EXD1: variants seen among roughly 807,000 people sequenced by gnomAD.
The protein encoded by EXD1 is piRNA biogenesis protein EXD1.
In EXD1, 63 loss-of-function variants were observed where a neutral mutation model predicts 49.1. The ratio of observed to expected loss-of-function variants is 1.28; its 90% CI spans 1.05 to 1.58. The LOEUF (loss-of-function observed/expected upper bound fraction) is 1.58, where lower values mean the gene tolerates loss of function less well. Ranked by LOEUF, EXD1 falls within the 40% of genes most tolerant of loss-of-function variation. EXD1 has a pLI of 0.00. For missense variants in EXD1, 748 were observed against 666.0 expected (o/e 1.12, Z -1.36); for synonymous variants, 234 against 239.2 (o/e 0.98, Z 0.20).
At chr15:41,223,197 C>G (rs1317063907) in intron 2 of EXD1, among the ~76,000 whole-genome samples, 1 of 151,932 alleles carries the variant, frequency 6.6e-6, no homozygotes, top group African/African-American at 2.4e-5. Flanking sequence ...AGTGGGAGAA[C>G]TGCTTGAGCC....
intron 2 of EXD1, among the ~76,000 whole-genome samples, chr15:41,220,249 A>C (rs2047065819): frequency 6.6e-6 from 1 of 152,092 alleles, no homozygotes; most frequent in Non-Finnish European, 1.5e-5. Flanking sequence ...TAACTCCAGA[A>C]AAAAAATTTA....
intron 11 of EXD1, among the ~76,000 whole-genome samples, chr15:41,186,657 T>C (rs541146123): frequency 1.3e-5 from 2 of 152,020 alleles, no homozygotes; most frequent in East Asian, 3.9e-4. Flanking sequence ...GAGGATATGA[T>C]AGTGAAAAAT....
intron 3 of EXD1, 118 bp from the exon 4 acceptor site, chr15:41,217,272 G>T (rs1254446721): frequency 1.2e-6 from 1 of 804,086 alleles, no homozygotes; most frequent in Non-Finnish European, 2.0e-6. Flanking sequence ...GAAATGACAT[G>T]TTAGTCCACG....
intron 7 of EXD1, among the ~76,000 whole-genome samples, chr15:41,208,812 G>A (rs189859304): frequency 3.1e-4 from 47 of 152,034 alleles, no homozygotes; most frequent in African/African-American, 1.1e-3. Context: ...CAGGTCCAGG[G>A]AAACTAAAAT....
chr15:41,218,411 C>T (rs2047034535), intron 3 of EXD1, among the ~76,000 whole-genome samples: 1 of 149,400 alleles, frequency 6.7e-6, no homozygotes, highest in Admixed American at 6.7e-5. Flanking sequence ...TGCTTGAAAC[C>T]CAGAGGCAAA....
chr15:41,201,238 G>A (rs920475838), intron 7 of EXD1, among the ~76,000 whole-genome samples: 1 of 152,016 alleles, frequency 6.6e-6, no homozygotes, highest in African/African-American at 2.4e-5. Flanking sequence ...TTCCCTATAA[G>A]TCTAATACTC....
chr15:41,226,695 TC>T, intron 1 of EXD1, 67 bp from the exon 2 acceptor site: 2 of 1,260,722 alleles, frequency 1.6e-6, no homozygotes, highest in Non-Finnish European at 2.1e-6. Context: ...ATTTTCCCTT[TC>T]CCCATATCTG....
intron 7 of EXD1, among the ~76,000 whole-genome samples, chr15:41,205,267 C>G (rs2046804082): frequency 6.6e-6 from 1 of 152,140 alleles, no homozygotes; most frequent in South Asian, 2.1e-4. Flanking sequence ...TGCATTGGAA[C>G]AGGAGGGTAG....
chr15:41,202,359 T>C (rs2140858372), intron 7 of EXD1, among the ~76,000 whole-genome samples: 1 of 151,864 alleles, frequency 6.6e-6, no homozygotes, highest in East Asian at 1.9e-4. Context: ...GTATTTTTAG[T>C]AGAAACAGGG....
At chr15:41,221,489 G>A (rs2047087842) in intron 2 of EXD1, among the ~76,000 whole-genome samples, 1 of 151,472 alleles carries the variant, frequency 6.6e-6, no homozygotes, top group Non-Finnish European at 1.5e-5. Context: ...GCCCAGGCTG[G>A]TCTCGAACTC....
chr15:41,219,515 G>T, intron 3 of EXD1: 1 of 231,676 alleles, frequency 4.3e-6, no homozygotes, highest in Non-Finnish European at 8.3e-6. Context: ...CCAAGGTTTT[G>T]GATGAGGAAT....
intron 2 of EXD1, among the ~76,000 whole-genome samples, chr15:41,223,031 G>T (rs1178269160): frequency 6.6e-6 from 1 of 150,834 alleles, no homozygotes; most frequent in Non-Finnish European, 1.5e-5. Context: ...GCTCACTGCA[G>T]CCTCGAACTC....
At chr15:41,215,084 TTAC>T (rs1052143134) in intron 6 of EXD1, among the ~76,000 whole-genome samples, 2 of 152,280 alleles carry the variant, frequency 1.3e-5, no homozygotes, top group African/African-American at 4.8e-5. Context: ...GCTCCCTTAC[TTAC>T]TCAGGTCTTT....
intron 11 of EXD1, among the ~76,000 whole-genome samples, 165 bp from the exon 12 acceptor site, chr15:41,184,758 C>T (rs1290092420): frequency 6.6e-6 from 1 of 151,760 alleles, no homozygotes; most frequent in Non-Finnish European, 1.5e-5. Flanking sequence ...GGGTTCAGGC[C>T]ATTCTCCTGC....
At chr15:41,216,608 G>A (rs2047002070) in intron 5 of EXD1, 60 bp downstream of exon 5, 2 of 1,519,844 alleles carry the variant, frequency 1.3e-6, no homozygotes, top group African/African-American at 2.8e-5. Context: ...TGCAGCCTGG[G>A]CAACAAGAGC....
intron 6 of EXD1, 49 bp from the exon 7 acceptor site, chr15:41,209,636 G>T: frequency 6.7e-7 from 1 of 1,493,386 alleles, no homozygotes; most frequent in Non-Finnish European, 9.3e-7. Flanking sequence ...ATAAATGTTG[G>T]CATGATAACA....
chr15:41,189,524 G>A (rs558740856), intron 11 of EXD1, among the ~76,000 whole-genome samples: 23 of 145,792 alleles, frequency 1.6e-4, no homozygotes, highest in Admixed American at 1.2e-3. Context: ...TTAGCCAGGC[G>A]TGGTGGCACA....
At chr15:41,202,988 G>A (rs530273139) in intron 7 of EXD1, among the ~76,000 whole-genome samples, 3 of 151,414 alleles carry the variant, frequency 2.0e-5, no homozygotes, top group East Asian at 3.9e-4. Context: ...TTGAGTAGAT[G>A]CAGTATAAAA....
intron 6 of EXD1, among the ~76,000 whole-genome samples, chr15:41,213,025 A>G (rs1231611733): frequency 6.6e-6 from 1 of 151,776 alleles, no homozygotes; most frequent in Non-Finnish European, 1.5e-5. Context: ...TGGGTGACAG[A>G]GCAAGACCCC....
Sources: gnomAD v4.1 joint callset for allele counts (sites outside exome capture counted in the v4.1 genomes callset) on GRCh38, gnomAD v4.1.1 for gene constraint, MANE v1.5 for transcripts, NCBI Gene and HGNC (gene_info 2026-07-23, HGNC 2026-07-21) for gene names.